The following USH2A variants were observed in gnomAD, a reference collection of about 807,000 sequenced individuals.
The protein encoded by USH2A is Usher syndrome 2A (autosomal recessive, mild).
In USH2A, 443 loss-of-function variants were observed where a neutral mutation model predicts 538.9. The ratio of observed to expected loss-of-function variants is 0.82; its 90% CI spans 0.76 to 0.89. USH2A has a LOEUF of 0.89. Among genes scored for constraint, USH2A ranks in the 40% least tolerant of loss-of-function variants. The probability of loss-of-function intolerance (pLI) is 0.00; values close to 1 mark genes in which losing one functional copy is unlikely to be tolerated. For missense variants in USH2A, 6,633 were observed against 6,324.8 expected (o/e 1.05, Z -1.65); for synonymous variants, 2,413 against 2,273.5 (o/e 1.06, Z -1.75).
chr1:216,108,253 T>A (rs1055072473), intron 21 of USH2A, among the ~76,000 whole-genome samples: 1 of 151,908 alleles, frequency 6.6e-6, no homozygotes, highest in African/African-American at 2.4e-5. Flanking sequence ...AGAATTGAGA[T>A]TGGTGTTTTA....
chr1:215,718,922 G>A (rs1659572479), intron 61 of USH2A, among the ~76,000 whole-genome samples: 1 of 152,182 alleles, frequency 6.6e-6, no homozygotes, highest in Non-Finnish European at 1.5e-5. Context: ...TACTTTCACA[G>A]ACATTTTTGA....
At chr1:216,304,422 T>G (rs1354921467) in intron 9 of USH2A, among the ~76,000 whole-genome samples, 2 of 152,076 alleles carry the variant, frequency 1.3e-5, no homozygotes, top group Non-Finnish European at 2.9e-5. Context: ...CCGTAACTTT[T>G]GCACTTTGTG....
chr1:215,798,331 C>G lies in USH2A; in HGVS notation c.9958+576G>C, dbSNP rs150989255. On this transcript the variant is annotated intron_variant, in intron 50 of 71. Coordinates refer to ENST00000307340, the MANE Select transcript of USH2A (RefSeq NM_206933.4). The stretch of plus-strand genomic sequence containing the variant: ...ACATAAATGTCAGGCTTCCCAAAAT[C>G]TGGATCTGACTGTGTGGTATTTAGC... 5.3e-3 allele frequency among the ~76,000 whole-genome samples: 800 copies of G among 152,274 alleles called. 6 individuals carry two copies. The highest frequency in any genetic ancestry group is 0.019 in the African/African-American group (778 of 41,560).
intron 35 of USH2A, among the ~76,000 whole-genome samples, chr1:215,975,388 C>A (rs1185822149): frequency 6.6e-6 from 1 of 152,076 alleles, no homozygotes; most frequent in African/African-American, 2.4e-5. Context: ...GTCATAAGTT[C>A]TTTCCCAAGG....
chr1:215,650,371 T>A (rs1657014730), intron 65 of USH2A, among the ~76,000 whole-genome samples: 1 of 152,150 alleles, frequency 6.6e-6, no homozygotes, highest in African/African-American at 2.4e-5. Flanking sequence ...AATACCACCT[T>A]TAGCATCCCT....
chr1:215,808,697 C>G (rs545013232), intron 49 of USH2A, among the ~76,000 whole-genome samples: 1 of 152,072 alleles, frequency 6.6e-6, no homozygotes, highest in South Asian at 2.1e-4. Flanking sequence ...CTTTTTGAGA[C>G]TGGCTTCTTT....
In USH2A at chr1:215,994,665, C is replaced by G. The variant is rs79408116; in HGVS notation, c.6658-1498G>C. Among the ~76,000 whole-genome samples, 1,491 of 152,152 alleles carry G rather than the reference C, an allele frequency of 9.8e-3. 23 individuals are homozygous for G. Among genetic ancestry groups the G allele is most frequent in the African/African-American group, 0.034 (1,425 of 41,498 alleles). ...TCTGTGGGTTTCCTCTAATTCTCAGCTGTGGCATGTGCCTTTCTGTGCAAG... is the reference window on the plus strand; with the variant it reads ...TCTGTGGGTTTCCTCTAATTCTCAGGTGTGGCATGTGCCTTTCTGTGCAAG... On this transcript the variant is annotated intron_variant, in intron 34 of 71. Transcript: ENST00000307340.
At chr1:215,716,355 A>T (rs1483911417) in intron 61 of USH2A, among the ~76,000 whole-genome samples, 1 of 152,218 alleles carries the variant, frequency 6.6e-6, no homozygotes, top group Non-Finnish European at 1.5e-5. Flanking sequence ...TTCTATCCCC[A>T]TTCAGTCCAC....
chr1:215,897,624 G>C (rs969404606), intron 40 of USH2A, among the ~76,000 whole-genome samples: 2 of 152,056 alleles, frequency 1.3e-5, no homozygotes, highest in African/African-American at 4.8e-5. Context: ...AGGAGACAGA[G>C]GTTGCAGTGA....
chr1:215,846,168 C>A, intron 44 of USH2A, 135 bp from the exon 45 acceptor site: 1 of 785,096 alleles, frequency 1.3e-6, no homozygotes, highest in Non-Finnish European at 2.1e-6. Context: ...TTAAAAAAAG[C>A]TTATGAGATC....
intron 33 of USH2A, among the ~76,000 whole-genome samples, chr1:215,999,398 A>G (rs12128250): frequency 0.16 from 23,832 of 152,118 alleles, 2,160 homozygotes; most frequent in Non-Finnish European, 0.21. Context: ...AAAAGAGGGA[A>G]TAATATAATT....
chr1:215,828,643 C>T (rs1663223078), intron 47 of USH2A, among the ~76,000 whole-genome samples: 1 of 151,954 alleles, frequency 6.6e-6, no homozygotes, highest in African/African-American at 2.4e-5. Flanking sequence ...GACTTTATAC[C>T]TCACACTCCT....
intron 32 of USH2A, among the ~76,000 whole-genome samples, chr1:216,029,931 T>C (rs2102509786): frequency 6.7e-6 from 1 of 149,562 alleles, no homozygotes; most frequent in East Asian, 1.9e-4. Context: ...TAAATGCCCA[T>C]CACTGATAGA....
intron 40 of USH2A, among the ~76,000 whole-genome samples, chr1:215,894,251 CA>C (rs1300269669): frequency 1.3e-5 from 2 of 152,152 alleles, no homozygotes; most frequent in African/African-American, 4.8e-5. Context: ...GTTCCACTCT[CA>C]TTTAAAAATA....
intron 69 of USH2A, among the ~76,000 whole-genome samples, chr1:215,636,636 G>A (rs573737208): frequency 6.6e-6 from 1 of 152,282 alleles, no homozygotes; most frequent in African/African-American, 2.4e-5. Flanking sequence ...TTGCTCCACA[G>A]CACGCAGGGG....
intron 3 of USH2A, among the ~76,000 whole-genome samples, chr1:216,415,639 A>G (rs952591578): frequency 6.7e-6 from 1 of 150,014 alleles, no homozygotes; most frequent in African/African-American, 2.5e-5. Flanking sequence ...TTTAGCCCCA[A>G]CCTCCTGAGT....
chr1:216,343,958 C>T (rs1043240619), intron 4 of USH2A, among the ~76,000 whole-genome samples: 6 of 151,520 alleles, frequency 4.0e-5, no homozygotes, highest in South Asian at 2.1e-4. Context: ...CTGCTCTACA[C>T]GGAGTAGCCA....
intron 15 of USH2A, among the ~76,000 whole-genome samples, chr1:216,216,135 A>T (rs543994224): frequency 1.3e-5 from 2 of 152,254 alleles, no homozygotes; most frequent in Admixed American, 6.5e-5. Context: ...AATCAATTGT[A>T]TTGCTAATCA....
At chr1:215,858,850 C>T (rs909664870) in intron 44 of USH2A, among the ~76,000 whole-genome samples, 1 of 152,094 alleles carries the variant, frequency 6.6e-6, no homozygotes, top group African/African-American at 2.4e-5. Context: ...TTAGTTTGCT[C>T]GGGCTGCCTT....
Sources: allele counts gnomAD v4.1 joint callset (sites outside exome capture counted in the v4.1 genomes callset), GRCh38; gene constraint gnomAD v4.1.1; transcripts MANE v1.5; gene names NCBI Gene and HGNC (gene_info 2026-07-23, HGNC 2026-07-21).